TSC1: variants seen among roughly 807,000 people sequenced by gnomAD.
TSC1 encodes the protein TSC complex subunit 1.
Under a neutral mutation model 124.3 loss-of-function variants are expected in TSC1, and 20 were observed. The ratio of observed to expected loss-of-function variants is 0.16; its 90% CI spans 0.11 to 0.23. TSC1 has a LOEUF of 0.23. Ranked by LOEUF, TSC1 falls within the 10% of genes least tolerant of loss-of-function variation. The probability of loss-of-function intolerance (pLI) is 1.00; values close to 1 mark genes in which losing one functional copy is unlikely to be tolerated. For synonymous variants in TSC1, 493 were observed against 539.1 expected (o/e 0.91, Z 1.19); for missense variants, 1,124 against 1,448.5 (o/e 0.78, Z 3.64).
At chr9:132,910,831 T>C (rs1845917167) in intron 11 of TSC1, 139 bp from the exon 12 acceptor site, 5 of 1,417,906 alleles carry the variant, frequency 3.5e-6, no homozygotes, top group Non-Finnish European at 4.9e-6. Context: ...AGTCTCTCTC[T>C]TTTTTGTTTT....
intron 3 of TSC1, 88 bp from the exon 4 acceptor site, chr9:132,927,392 A>G: frequency 7.9e-7 from 1 of 1,267,510 alleles, no homozygotes; most frequent in Non-Finnish European, 1.1e-6. Context: ...AAAATCCAGA[A>G]AATGTTTCTT....
intron 20 of TSC1, 150 bp downstream of exon 20, chr9:132,900,565 C>T: frequency 3.0e-6 from 4 of 1,320,472 alleles, no homozygotes; most frequent in Non-Finnish European, 4.3e-6. Context: ...CTGGAAAGTG[C>T]TTGTATAGCT....
chr9:132,935,026 A>G lies in TSC1; in HGVS notation c.-81+7T>C. 2.5e-6 allele frequency: 1 copy of G among 399,110 alleles called. No homozygotes were observed. Among genetic ancestry groups the G allele is most frequent in the East Asian group, 3.6e-5 (1 of 28,086 alleles). The allele number at this position is 399,110 out of a possible 1,614,324, so 24.7% of individuals were successfully genotyped here. On this transcript the variant is annotated splice_region_variant and intron_variant, in intron 2 of 22. Coordinates refer to ENST00000298552, the MANE Select transcript of TSC1 (RefSeq NM_000368.5). ...TTCCTCTAACCACTGGCCTGGTTAT[A>G]GCTTACCTGTTCTAGCGACAACTGG...
intron 1 of TSC1, among the ~76,000 whole-genome samples, chr9:132,938,317 A>G (rs1307705105): frequency 6.6e-6 from 1 of 152,248 alleles, no homozygotes; most frequent in East Asian, 1.9e-4. Flanking sequence ...GCAGAACACC[A>G]GTGTCAATCC....
At chr9:132,907,593 G>A (rs1037381025) in intron 12 of TSC1, among the ~76,000 whole-genome samples, 1 of 152,080 alleles carries the variant, frequency 6.6e-6, no homozygotes, top group South Asian at 2.1e-4. Flanking sequence ...GGGTTCAAGC[G>A]ATTCTCCTGC....
At chr9:132,936,434 T>C (rs1847461921) in intron 1 of TSC1, among the ~76,000 whole-genome samples, 1 of 152,188 alleles carries the variant, frequency 6.6e-6, no homozygotes. Context: ...CTTAAATAAA[T>C]GTGCAAAGCC....
intron 2 of TSC1, among the ~76,000 whole-genome samples, chr9:132,931,605 C>T (rs993701278): frequency 2.6e-5 from 4 of 152,190 alleles, no homozygotes; most frequent in Middle Eastern, 3.4e-3. Flanking sequence ...TGAGATTCTT[C>T]GCATAAGTGG....
Position 132,927,571 on chromosome 9 carries a change from G to A in TSC1, c.107-267C>T, listed in dbSNP as rs1846952279. On this transcript the variant is annotated intron_variant, in intron 3 of 22. Transcript: ENST00000298552. Reference sequence around the variant, plus strand: ...TGGAGTCTCACTCTGTTGCCAGGCTGGAGTGCAGTGGCACAATCTCAGCTC... The same window carrying A: ...TGGAGTCTCACTCTGTTGCCAGGCTAGAGTGCAGTGGCACAATCTCAGCTC... Among the ~76,000 whole-genome samples the A allele has an allele frequency of 3.9e-5, 5 of 128,524 alleles. No individual in the cohort carries two copies. The Admixed American group carries it at 4.9e-4, about 13-fold the overall frequency. The allele number at this position is 128,524 out of a possible 152,430, so 84.3% of individuals were successfully genotyped here.
At chr9:132,935,387 A>G (rs956865531) in intron 1 of TSC1, among the ~76,000 whole-genome samples, 4 of 152,338 alleles carry the variant, frequency 2.6e-5, no homozygotes, top group Admixed American at 2.6e-4. Context: ...CTAGAATTAG[A>G]GAGTTCCGGG....
At chr9:132,922,348 C>G (rs1015610211) in intron 6 of TSC1, among the ~76,000 whole-genome samples, 5 of 152,042 alleles carry the variant, frequency 3.3e-5, no homozygotes, top group Admixed American at 6.5e-5. Context: ...TTTCCATTGC[C>G]GAATTCAGTA....
In TSC1 at chr9:132,938,994, A is replaced by G. The variant is rs137890121; in HGVS notation, c.-143-3899T>C. 1.4e-3 allele frequency: 208 copies of G among 152,346 alleles called. 1 individual carries two copies. Among genetic ancestry groups the G allele is most frequent in the African/African-American group, 4.9e-3 (202 of 41,574 alleles). The allele number at this position is 152,346 out of a possible 1,614,324, so 9.4% of individuals were successfully genotyped here. ...ATGTACTGCATGTGTAAATGAAGGC[A>G]GATGTCTCTTCACTATAACTTGTTT... On this transcript the variant is annotated intron_variant, in intron 1 of 22. Coordinates refer to ENST00000298552, the MANE Select transcript of TSC1 (RefSeq NM_000368.5).
rs886063572 is a variant in TSC1 at position 132,892,107 on chromosome 9, C to T, written c.*4128G>A. On this transcript the variant is annotated 3_prime_UTR_variant, in exon 23 of 23. Coordinates refer to ENST00000298552, the MANE Select transcript of TSC1 (RefSeq NM_000368.5). Reference sequence around the variant, plus strand: ...TAGCTACAGCTACTCTTCCCTCAGGCGAGCAGATAAGGACTGCAGGACGGC... The same window carrying T: ...TAGCTACAGCTACTCTTCCCTCAGGTGAGCAGATAAGGACTGCAGGACGGC... 2.1e-5 allele frequency: 5 copies of T among 233,002 alleles called. No homozygotes were observed. Among genetic ancestry groups the T allele is most frequent in the East Asian group, 6.0e-5 (1 of 16,574 alleles). The allele number at this position is 233,002 out of a possible 1,614,324, so 14.4% of individuals were successfully genotyped here.
intron 1 of TSC1, chr9:132,944,168 T>C: frequency 6.2e-6 from 1 of 162,046 alleles, no homozygotes; most frequent in Non-Finnish European, 1.3e-5. Flanking sequence ...GCCAAGCGTC[T>C]CTACCCTGCC....
In TSC1 at chr9:132,944,532, C is replaced by CCCAT. The variant is rs1847972985; in HGVS notation, c.-144+7_-144+10dup. 1 of 398,694 alleles carries CCCAT rather than the reference C, an allele frequency of 2.5e-6. No individual in the cohort carries two copies. Among genetic ancestry groups the CCCAT allele is most frequent in the East Asian group, 3.6e-5 (1 of 28,048 alleles). The allele number at this position is 398,694 out of a possible 1,614,324, so 24.7% of individuals were successfully genotyped here. On this transcript the variant is annotated intron_variant, in intron 1 of 22. Coordinates refer to ENST00000298552, the MANE Select transcript of TSC1 (RefSeq NM_000368.5). ...CCCATAAAAAGGAGGGGGAGACACC[C>CCCAT]CCATACTCACCCACCGTCTCCTCCC...
At chr9:132,931,768 C>G (rs1003028733) in intron 2 of TSC1, among the ~76,000 whole-genome samples, 3 of 152,038 alleles carry the variant, frequency 2.0e-5, no homozygotes, top group Non-Finnish European at 4.4e-5. Context: ...GCAGGTAAAA[C>G]AGATTTAGCC....
intron 1 of TSC1, among the ~76,000 whole-genome samples, chr9:132,937,661 A>C (rs577717510): frequency 6.6e-6 from 1 of 152,228 alleles, no homozygotes; most frequent in African/African-American, 2.4e-5. Flanking sequence ...TCCTACATAA[A>C]GGCCCTACTC....
chr9:132,919,729 T>C (rs1161983369), intron 8 of TSC1, among the ~76,000 whole-genome samples: 2 of 152,120 alleles, frequency 1.3e-5, no homozygotes, highest in Non-Finnish European at 2.9e-5. Context: ...CCCAGGAGAC[T>C]AGGATGACAG....
At chr9:132,916,020 A>C (rs774685140) in intron 8 of TSC1, among the ~76,000 whole-genome samples, 23 of 152,316 alleles carry the variant, frequency 1.5e-4, no homozygotes, top group Admixed American at 3.9e-4. Context: ...GAAAATGAGA[A>C]TCATAATAAA....
chr9:132,906,779 C>G lies in TSC1; in HGVS notation c.1390G>C (p.Gly464Arg), dbSNP rs769529472. 6.2e-7 allele frequency: 1 copy of G among 1,614,132 alleles called. No individual in the cohort carries two copies. Among genetic ancestry groups the G allele is most frequent in the South Asian group, 1.1e-5 (1 of 91,076 alleles). Reference protein sequence around the residue: ...VTLSDLPGFLGDLASEEDSIE... With the variant: ...VTLSDLPGFLRDLASEEDSIE... ...CTATCTTCTTCAGAGGCCAGATCAC[C>G]TAAAAACCCTGGAAGATCACTTAGA... Residue 464 changes from glycine (G) to arginine (R), a missense_variant, in exon 14 of 23, where the codon GGT (glycine) becomes CGT (arginine). Gly to Arg is a moderately radical substitution (Grantham distance 125). Transcript: ENST00000298552. This position sits in a 1 kb window ranked among gnomAD's most constrained non-coding sequence, Gnocchi z 4.1.
Sources: gnomAD v4.1 joint callset for allele counts (sites outside exome capture counted in the v4.1 genomes callset) on GRCh38, gnomAD v4.1.1 for gene constraint, Gnocchi (gnomAD v3.1) non-coding constraint, MANE v1.5 for transcripts, NCBI Gene and HGNC (gene_info 2026-07-23, HGNC 2026-07-21) for gene names.